The following ZNF821 variants were observed in gnomAD, a reference collection of about 807,000 sequenced individuals.
The protein encoded by ZNF821 is zinc finger protein 821.
ZNF821 carries 16 observed loss-of-function variants against 44.3 expected under a neutral mutation model. That is an observed-to-expected ratio of 0.36 (90% CI 0.24 to 0.55). ZNF821 has a LOEUF of 0.55. Ranked by LOEUF, ZNF821 falls within the 20% of genes least tolerant of loss-of-function variation. The pLI, the probability that ZNF821 is intolerant of heterozygous loss-of-function variation, is 0.86. For synonymous variants in ZNF821, 204 were observed against 197.6 expected (o/e 1.03, Z -0.27); for missense variants, 436 against 547.6 (o/e 0.80, Z 2.03).
chr16:71,868,764 G>C (rs866569651), intron 3 of ZNF821, among the ~76,000 whole-genome samples: 3 of 150,820 alleles, frequency 2.0e-5, no homozygotes, highest in Admixed American at 2.0e-4. Context: ...TTTTTTGAGA[G>C]AGAGTCTCAC....
upstream of ZNF821, chr16:71,884,847 C>T (rs2036782383): frequency 6.8e-6 from 1 of 146,462 alleles, no homozygotes; most frequent in African/African-American, 2.5e-5. Flanking sequence ...AATGGAGAGC[C>T]GTTGGACCTT....
chr16:71,894,774 G>T, intron 1 of ZNF821: 1 of 1,300,274 alleles, frequency 7.7e-7, no homozygotes, highest in South Asian at 1.3e-5. Context: ...GGGCTCAAGC[G>T]ATCCTCCCGC....
intron 3 of ZNF821, among the ~76,000 whole-genome samples, chr16:71,868,827 A>AT (rs11318268): frequency 6.6e-6 from 1 of 151,616 alleles, no homozygotes; most frequent in African/African-American, 2.4e-5. Flanking sequence ...TGCCCAGCTA[A>AT]TTTTTTTGTA....
At position 71,859,860 on chromosome 16, in the gene ZNF821, A is replaced by G. The variant is rs1054933292; in HGVS notation, c.*158T>C. The G allele has an allele frequency of 1.2e-6, 1 of 811,864 alleles. No homozygotes were observed. Among genetic ancestry groups the G allele is most frequent in the Non-Finnish European group, 1.9e-6 (1 of 531,122 alleles). 50.3% of individuals were successfully genotyped at this position (811,864 alleles called of 1,614,324 possible). ...CTCCTGACCCCATCATCCTGTTCCC[A>G]TATGCAAGGGCTGCTCAGGTCCACC... On this transcript the variant is annotated 3_prime_UTR_variant, in exon 8 of 8. Transcript: ENST00000425432.
intron 1 of ZNF821, chr16:71,890,514 T>G (rs1401697123): frequency 6.6e-6 from 1 of 150,622 alleles, no homozygotes; most frequent in African/African-American, 2.4e-5. Flanking sequence ...CTCAGCCTCC[T>G]GAGTAGCTGG....
At chr16:71,878,272 T>A (rs896729442) in intron 3 of ZNF821, among the ~76,000 whole-genome samples, 1 of 151,720 alleles carries the variant, frequency 6.6e-6, no homozygotes, top group African/African-American at 2.4e-5. Context: ...CCACCATGCC[T>A]GGTTAATTTT....
rs1555498693 is a variant in ZNF821 at position 71,859,966 on chromosome 16, T to TGTGG, written c.*48_*51dup. 4.1e-6 allele frequency: 6 copies of TGTGG among 1,448,352 alleles called. No homozygotes were observed. Among genetic ancestry groups the TGTGG allele is most frequent in the South Asian group, 1.4e-5 (1 of 72,648 alleles). 89.7% of individuals were successfully genotyped at this position (1,448,352 alleles called of 1,614,324 possible). A position where few individuals can be genotyped will look rare whatever the true frequency, so the allele number is the denominator to read the frequency against. On this transcript the variant is annotated 3_prime_UTR_variant, in exon 8 of 8. Transcript: ENST00000425432. ...CAGCACTGGTCCTCGTGGCTGTGGG[T>TGTGG]GTGGGTGGGTGGGTAGGTAGGTGGG...
rs551799440 is a variant in ZNF821 at position 71,892,581 on chromosome 16, T to C, written n.448+2308A>G. ...CCGTGCCCGGCCAAAATTTTTTTTT[T>C]TTTTTTTTGAGAGGGAGTCTTCCTC... is the stretch of plus-strand genomic sequence containing the variant. On this transcript the variant is annotated intron_variant and non_coding_transcript_variant, in intron 1 of 2. Coordinates refer to the ZNF821 transcript ENST00000561700. Among the ~76,000 whole-genome samples, 7 of 150,832 alleles carry C rather than the reference T, an allele frequency of 4.6e-5. No individual in the cohort carries two copies. The South Asian group carries it at 1.5e-3, about 32-fold the overall frequency.
chr16:71,891,516 C>T (rs2036885306), intron 1 of ZNF821: 1 of 152,170 alleles, frequency 6.6e-6, no homozygotes, highest in Non-Finnish European at 1.5e-5. Context: ...AAGCCCAGGA[C>T]ACAGGTGATG....
intron 5 of ZNF821, chr16:71,864,607 C>T: frequency 2.2e-6 from 1 of 449,896 alleles, no homozygotes; most frequent in Non-Finnish European, 4.0e-6. Flanking sequence ...AAGAGTCCAC[C>T]TTGGGAAGTC....
intron 1 of ZNF821, among the ~76,000 whole-genome samples, chr16:71,891,264 G>C (rs1280972181): frequency 2.0e-5 from 3 of 152,188 alleles, no homozygotes; most frequent in Admixed American, 2.0e-4. Flanking sequence ...TACCTGGTTA[G>C]TTACCAAAGA....
intron 3 of ZNF821, among the ~76,000 whole-genome samples, chr16:71,875,359 G>C (rs888114670): frequency 1.3e-5 from 2 of 151,996 alleles, no homozygotes; most frequent in African/African-American, 4.8e-5. Context: ...TTGGCTCACT[G>C]CAACCTCTGC....
At chr16:71,861,313 C>T (rs2033858129) in intron 7 of ZNF821, among the ~76,000 whole-genome samples, 1 of 152,224 alleles carries the variant, frequency 6.6e-6, no homozygotes, top group East Asian at 1.9e-4. Flanking sequence ...AATGGAGGCT[C>T]CTGGAGGTGG....
chr16:71,865,697 T>C (rs2034460209), intron 4 of ZNF821, among the ~76,000 whole-genome samples: 1 of 152,248 alleles, frequency 6.6e-6, no homozygotes, highest in African/African-American at 2.4e-5. Context: ...CACTCGGTTC[T>C]TACTCTACTA....
rs748282523 is a variant in ZNF821, at chr16:71,880,712, T to C, written c.-77-689A>G. Among the ~76,000 whole-genome samples, 19 of 152,158 alleles carry C rather than the reference T, an allele frequency of 1.2e-4. No individual in the cohort carries two copies. In the South Asian group the frequency reaches 2.9e-3, roughly 23 times the overall value. On this transcript the variant is annotated intron_variant, in intron 2 of 7. Transcript: ENST00000425432. ...TGCCATCCACATTGATGAGTACTAA[T>C]TCAACACCCCAGTGTGGAATACCAC...
At position 71,864,258 on chromosome 16, in the gene ZNF821, T is replaced by C. The variant is rs201168608; in HGVS notation, c.313-16A>G. 5.5e-4 allele frequency: 884 copies of C among 1,609,622 alleles called. 1 individual carries two copies. Among genetic ancestry groups the C allele is most frequent in the East Asian group, 4.2e-3 (188 of 44,854 alleles). On this transcript the variant is annotated splice_polypyrimidine_tract_variant and intron_variant, in intron 5 of 7. Transcript: ENST00000425432. ...TCCCTGTGACCTGTGATTCAACAAA[T>C]AGGCAACTCATTAGGACTCTTTACT...
intron 3 of ZNF821, among the ~76,000 whole-genome samples, chr16:71,873,360 G>A (rs2035432937): frequency 6.6e-6 from 1 of 151,830 alleles, no homozygotes; most frequent in South Asian, 2.1e-4. Flanking sequence ...GTAAAATGGG[G>A]AAGGAGGTAG....
chr16:71,891,995 CAA>C (rs58554253), intron 1 of ZNF821, among the ~76,000 whole-genome samples: 1,755 of 21,040 alleles, frequency 0.083, 46 homozygotes, highest in African/African-American at 0.22. Flanking sequence ...GACTCCGTCT[CAA>C]AAAAAAAAAA....
intron 6 of ZNF821, 148 bp downstream of exon 6, chr16:71,863,990 G>A (rs147840145): frequency 1.7e-5 from 12 of 709,124 alleles, no homozygotes; most frequent in African/African-American, 1.4e-4. Flanking sequence ...GAGCCACTGC[G>A]CCCAGCCTCC....
Sources: gnomAD v4.1 joint callset for allele counts (sites outside exome capture counted in the v4.1 genomes callset) on GRCh38, gnomAD v4.1.1 for gene constraint, MANE v1.5 for transcripts, NCBI Gene and HGNC (gene_info 2026-07-23, HGNC 2026-07-21) for gene names.